Variants in RARB observed in about 807,000 individuals in gnomAD.
RARB encodes retinoic acid receptor beta, also known as HBV-activated protein.
A neutral mutation model predicts 51.9 loss-of-function variants in RARB; 17 were observed. The observed-to-expected ratio is 0.33, with a 90% CI of 0.22 to 0.49. The LOEUF is 0.49. Among genes scored for constraint, RARB ranks in the 20% least tolerant of loss-of-function variants. RARB has a pLI of 0.99. For synonymous variants in RARB, 215 were observed against 195.4 expected (o/e 1.10, Z -0.84); for missense variants, 369 against 550.8 (o/e 0.67, Z 3.30).
intron 3 of RARB, among the ~76,000 whole-genome samples, chr3:25,543,863 G>A (rs1699496053): frequency 6.6e-6 from 1 of 152,190 alleles, no homozygotes; most frequent in Admixed American, 6.5e-5. Flanking sequence ...ACAGACGCAA[G>A]CTTAACATTA....
chr3:25,100,136 G>T (rs115878604), intron 3 of RARB, among the ~76,000 whole-genome samples: 3,587 of 152,194 alleles, frequency 0.024, 61 homozygotes, highest in Non-Finnish European at 0.037. Flanking sequence ...CTCCAAAGTG[G>T]CAAAGTGATT....
rs540943028 is a variant in RARB at position 25,306,178 on chromosome 3, A to AT, written c.178+131605dup. ...TTTTGGAGAAGGAAAGTGAGAGGGC[A>AT]TTGAGTTTCATTGATTGGGTCTCCG... is the stretch of plus-strand genomic sequence containing the variant. On this transcript the variant is annotated intron_variant, in intron 5 of 11. Coordinates refer to the RARB transcript ENST00000383772. 9.7e-4 allele frequency among the ~76,000 whole-genome samples: 148 copies of AT among 152,288 alleles called. 1 individual carries two copies. The highest frequency in any genetic ancestry group is 1.7e-3 in the Non-Finnish European group (118 of 68,028).
At chr3:24,995,889 G>A (rs1382402099) in intron 2 of RARB, among the ~76,000 whole-genome samples, 1 of 151,888 alleles carries the variant, frequency 6.6e-6, no homozygotes, top group Non-Finnish European at 1.5e-5. Context: ...ATTTTTGCAT[G>A]TATGTTTATC....
chr3:25,305,321 T>C (rs1290605433), intron 5 of RARB, among the ~76,000 whole-genome samples: 1 of 152,076 alleles, frequency 6.6e-6, no homozygotes, highest in East Asian at 1.9e-4. Flanking sequence ...GGTAAACCCA[T>C]GTCCTCAGAC....
At chr3:24,875,610 T>C (rs1206689907) in intron 2 of RARB, among the ~76,000 whole-genome samples, 1 of 152,142 alleles carries the variant, frequency 6.6e-6, no homozygotes. Flanking sequence ...AATGTTGTTT[T>C]AGTGTGAAAT....
intron 5 of RARB, among the ~76,000 whole-genome samples, chr3:25,420,712 A>G (rs935086603): frequency 6.6e-6 from 1 of 152,026 alleles, no homozygotes; most frequent in African/African-American, 2.4e-5. Flanking sequence ...TGGATCAGAG[A>G]GTGAATGGAT....
intron 1 of RARB, among the ~76,000 whole-genome samples, chr3:24,854,164 T>C (rs1702602785): frequency 6.6e-6 from 1 of 152,142 alleles, no homozygotes. Flanking sequence ...AATTTGAGCA[T>C]CCCCTCAGGC....
chr3:25,185,379 C>G (rs1700952260), intron 5 of RARB, among the ~76,000 whole-genome samples: 1 of 152,046 alleles, frequency 6.6e-6, no homozygotes, highest in African/African-American at 2.4e-5. Flanking sequence ...CCTGCGGGGT[C>G]TGCATGTCAC....
intron 5 of RARB, among the ~76,000 whole-genome samples, chr3:25,418,036 C>A (rs954812088): frequency 2.0e-5 from 3 of 151,930 alleles, no homozygotes; most frequent in African/African-American, 7.3e-5. Flanking sequence ...AGGGAAGGGG[C>A]AAGATAGCAA....
At chr3:25,474,628 C>T (rs543902778) in intron 2 of RARB, among the ~76,000 whole-genome samples, 4 of 152,200 alleles carry the variant, frequency 2.6e-5, no homozygotes, top group East Asian at 1.9e-4. Flanking sequence ...TCATCAAAAA[C>T]GTTATGCTGA....
intron 5 of RARB, among the ~76,000 whole-genome samples, chr3:25,241,192 A>G (rs1003310544): frequency 6.6e-6 from 1 of 152,226 alleles, no homozygotes; most frequent in African/African-American, 2.4e-5. Context: ...ATTCTGGAAC[A>G]TGCTGTTTCA....
intron 3 of RARB, among the ~76,000 whole-genome samples, chr3:25,552,577 A>G (rs1259731560): frequency 6.6e-6 from 1 of 152,148 alleles, no homozygotes; most frequent in African/African-American, 2.4e-5. Context: ...TATCTAGATC[A>G]AGTGGGCACC....
chr3:25,063,677 C>G (rs1019442671), intron 3 of RARB, among the ~76,000 whole-genome samples: 4 of 149,444 alleles, frequency 2.7e-5, no homozygotes, highest in African/African-American at 9.8e-5. Flanking sequence ...TCTTGAGGTT[C>G]AAAGGGGTCC....
intron 5 of RARB, among the ~76,000 whole-genome samples, chr3:25,331,174 C>A (rs541137739): frequency 2.0e-4 from 31 of 152,290 alleles, no homozygotes; most frequent in African/African-American, 6.0e-4. Flanking sequence ...ACCAAGCAGA[C>A]CTAATAAACA....
rs895399187 is a variant in RARB, at chr3:25,241,165, G to C, written c.178+66590G>C. Reference sequence around the variant, plus strand: ...GACCTTCTCCATTTCTGTGGTATCAGTTGTAATATAATGGGCATTCTGGAA... The same window carrying C: ...GACCTTCTCCATTTCTGTGGTATCACTTGTAATATAATGGGCATTCTGGAA... On this transcript the variant is annotated intron_variant, in intron 5 of 11. Transcript: ENST00000383772. Among the ~76,000 whole-genome samples the C allele has an allele frequency of 4.6e-5, 7 of 152,208 alleles. No homozygotes were observed. The East Asian group carries it at 9.7e-4, about 21-fold the overall frequency.
At chr3:25,055,047 A>T (rs1420999505) in intron 2 of RARB, among the ~76,000 whole-genome samples, 1 of 152,160 alleles carries the variant, frequency 6.6e-6, no homozygotes, top group Non-Finnish European at 1.5e-5. Context: ...AAATTGTGAC[A>T]CCGGTTTCAG....
chr3:25,432,267 T>G (rs1708241148), intron 1 of RARB, among the ~76,000 whole-genome samples: 1 of 152,136 alleles, frequency 6.6e-6, no homozygotes, highest in African/African-American at 2.4e-5. Context: ...AGGGAGTGAG[T>G]ATTGATGTGC....
At chr3:25,026,755 C>T (rs1216440405) in intron 2 of RARB, among the ~76,000 whole-genome samples, 1 of 152,150 alleles carries the variant, frequency 6.6e-6, no homozygotes, top group African/African-American at 2.4e-5. Flanking sequence ...CTATTTGTAG[C>T]ATTTGCCCAA....
chr3:25,558,896 C>T (rs935942663), intron 3 of RARB, among the ~76,000 whole-genome samples: 5 of 152,054 alleles, frequency 3.3e-5, no homozygotes, highest in East Asian at 3.9e-4. Flanking sequence ...TTTTTCCTTG[C>T]GGTGATTCAC....
Sources: gnomAD v4.1 joint callset for allele counts (sites outside exome capture counted in the v4.1 genomes callset) on GRCh38, gnomAD v4.1.1 for gene constraint, MANE v1.5 for transcripts, NCBI Gene and HGNC (gene_info 2026-07-23, HGNC 2026-07-21) for gene names.